Variants in BAZ2B observed in about 807,000 individuals in gnomAD.
The protein encoded by BAZ2B is bromodomain adjacent to zinc finger domain 2B, also known as bromodomain adjacent to zinc finger domain protein 2B.
A neutral mutation model predicts 246.0 loss-of-function variants in BAZ2B; 91 were observed. That is an observed-to-expected ratio of 0.37 (90% CI 0.31 to 0.44). The LOEUF (loss-of-function observed/expected upper bound fraction) is 0.44. Among genes scored for constraint, BAZ2B ranks in the 20% least tolerant of loss-of-function variants. The pLI, the probability that BAZ2B is intolerant of heterozygous loss-of-function variation, is 1.00. For synonymous variants in BAZ2B, 855 were observed against 860.0 expected, an observed-to-expected ratio of 0.99 and a Z score of 0.10; for missense variants, 2,332 against 2,533.7, an observed-to-expected ratio of 0.92 and a Z score of 1.71.
the BAZ2B span, among the ~76,000 whole-genome samples, chr2:159,626,910 T>C: frequency 2.1e-4 from 32 of 152,014 alleles, 1 homozygote; most frequent in African/African-American, 7.2e-4. Flanking sequence ...ACAAAAGAGA[T>C]AGACCACCTG....
intron 27 of BAZ2B, among the ~76,000 whole-genome samples, chr2:159,362,037 A>T (rs909400933): frequency 6.6e-6 from 1 of 152,184 alleles, no homozygotes; most frequent in Non-Finnish European, 1.5e-5. Flanking sequence ...GCAAACCACC[A>T]TGGCAAGTGA....
intron 1 of BAZ2B, among the ~76,000 whole-genome samples, chr2:159,557,657 C>A (rs922052539): frequency 6.6e-6 from 1 of 152,122 alleles, no homozygotes; most frequent in Non-Finnish European, 1.5e-5. Flanking sequence ...CCAGAGGCTG[C>A]TGTTAGCTTT....
chr2:159,671,674 G>A, the BAZ2B span, among the ~76,000 whole-genome samples: 2 of 152,104 alleles, frequency 1.3e-5, no homozygotes, highest in African/African-American at 2.4e-5. Flanking sequence ...CAAACTAGCA[G>A]AAATAGTTTA....
intron 27 of BAZ2B, among the ~76,000 whole-genome samples, chr2:159,372,636 T>C (rs1179713058): frequency 1.3e-5 from 2 of 152,220 alleles, no homozygotes; most frequent in Non-Finnish European, 2.9e-5. Flanking sequence ...GAATGAGGAT[T>C]ATGATGAAGA....
chr2:159,453,523 A>T, intron 4 of BAZ2B, 90 bp downstream of exon 4: 2 of 1,373,860 alleles, frequency 1.5e-6, no homozygotes, highest in Non-Finnish European at 1.9e-6. Context: ...CAGGCATTAG[A>T]CTATTCCTTT....
intron 4 of BAZ2B, among the ~76,000 whole-genome samples, chr2:159,453,135 TAAAG>T (rs2075304773): frequency 6.6e-6 from 1 of 151,736 alleles, no homozygotes; most frequent in Non-Finnish European, 1.5e-5. Flanking sequence ...AACAGAAAAA[TAAAG>T]AAATTTAAGA....
chr2:159,381,388 C>T (rs2061982375), intron 25 of BAZ2B, among the ~76,000 whole-genome samples: 1 of 152,080 alleles, frequency 6.6e-6, no homozygotes, highest in African/African-American at 2.4e-5. Flanking sequence ...TTACTCTGTT[C>T]CTGATTTCCC....
intron 30 of BAZ2B, among the ~76,000 whole-genome samples, chr2:159,347,946 G>T (rs1479892591): frequency 6.6e-6 from 1 of 152,142 alleles, no homozygotes; most frequent in East Asian, 1.9e-4. Flanking sequence ...TTTCTCTCTT[G>T]ATATCTGTGG....
upstream of BAZ2B, among the ~76,000 whole-genome samples, chr2:159,618,785 T>C (rs1261561795): frequency 1.3e-5 from 2 of 152,124 alleles, no homozygotes; most frequent in African/African-American, 2.4e-5. Flanking sequence ...CAAGTTATCT[T>C]GATTTTCATA....
the BAZ2B span, among the ~76,000 whole-genome samples, chr2:159,682,391 C>G: frequency 3.3e-5 from 5 of 151,992 alleles, no homozygotes; most frequent in African/African-American, 1.2e-4. Flanking sequence ...ATTGTCCAGG[C>G]TGGTCTTGAA....
rs142376018 is a variant in BAZ2B at position 159,417,899 on chromosome 2, T to C, written c.2467-5354A>G. Among the ~76,000 whole-genome samples the C allele has an allele frequency of 2.4e-3, 368 of 152,290 alleles. 1 individual carries two copies. The highest frequency in any genetic ancestry group is 8.2e-3 in the African/African-American group (341 of 41,556). ...GTTTAGAGCTTGGGAGAGAAAGTTG[T>C]CTCAACTGTCCATATAAAAATTATG... On this transcript the variant is annotated intron_variant, in intron 13 of 36. Coordinates refer to ENST00000392783, the MANE Select transcript of BAZ2B (RefSeq NM_013450.4).
chr2:159,360,796 A>G (rs369736134), intron 27 of BAZ2B, among the ~76,000 whole-genome samples: 2 of 152,218 alleles, frequency 1.3e-5, no homozygotes, highest in African/African-American at 4.8e-5. Context: ...AAATAATGCC[A>G]CACATCTACA....
Position 159,382,560 on chromosome 2 carries a change from T to C in BAZ2B, c.4004A>G (p.Glu1335Gly). 1 of 1,549,078 alleles carries C rather than the reference T, an allele frequency of 6.5e-7. No homozygotes were observed. Among genetic ancestry groups the C allele is most frequent in the Non-Finnish European group, 8.7e-7 (1 of 1,146,298 alleles). ...KGKKTDICED[E>G]DEGDQAASVE... ...TAAAATCAACCTAAATTTCATTACC[T>C]CATCTTCACAGATATCAGTCTTTTT... The change falls in exon 25 of 37, where the codon GAG becomes GGG. Residue 1335 changes from glutamate (E) to glycine (G), a missense_variant and splice_region_variant. This residue lies in a region of BAZ2B where 676 missense variants were observed against 668.6 expected (regional missense o/e 1.01). Transcript: ENST00000392783.
chr2:159,471,063 T>A (rs1291071527), intron 3 of BAZ2B, among the ~76,000 whole-genome samples: 1 of 151,850 alleles, frequency 6.6e-6, no homozygotes, highest in Non-Finnish European at 1.5e-5. Flanking sequence ...TAAAAAAATT[T>A]AGAGAAAAAC....
At chr2:159,529,498 A>C (rs2085135726) in intron 2 of BAZ2B, among the ~76,000 whole-genome samples, 1 of 152,156 alleles carries the variant, frequency 6.6e-6, no homozygotes, top group South Asian at 2.1e-4. Context: ...GTTCTCACCC[A>C]GGTATCTACA....
the BAZ2B span, among the ~76,000 whole-genome samples, chr2:159,684,756 A>G: frequency 6.6e-6 from 1 of 152,262 alleles, no homozygotes; most frequent in South Asian, 2.1e-4. Context: ...TTATTTGCAC[A>G]CATTCCTTAT....
At position 159,348,796 on chromosome 2, in the gene BAZ2B, C is replaced by T. The variant is rs2058249135; in HGVS notation, c.5175G>A (p.Glu1725=). ...GCACTTTGAGCAAAGCTTTTAGGTC[C>T]TCTGGGTCAATAATTCTCCACCAAC... ...QFGWWRIIDP[E]DLKALLKVLH... The change falls in exon 30 of 37, where the codon GAG becomes GAA. Residue 1725 remains glutamate (E), a synonymous_variant. Coordinates refer to ENST00000392783, the MANE Select transcript of BAZ2B (RefSeq NM_013450.4). 3 of 1,609,436 alleles carry T rather than the reference C, an allele frequency of 1.9e-6. No homozygotes were observed. Among genetic ancestry groups the T allele is most frequent in the South Asian group, 1.1e-5 (1 of 89,562 alleles).
Position 159,428,361 on chromosome 2 carries a change from A to G in BAZ2B, c.2314T>C (p.Tyr772His), listed in dbSNP as rs1463403484. 6.2e-7 allele frequency: 1 copy of G among 1,613,360 alleles called. No homozygotes were observed. Among genetic ancestry groups the G allele is most frequent in the Admixed American group, 1.7e-5 (1 of 59,988 alleles). The change falls in exon 12 of 37, where the codon TAT (tyrosine) becomes CAT (histidine). Residue 772 changes from tyrosine (Y) to histidine (H), a missense_variant. Transcript: ENST00000392783. ...FGGRLQGEVA[Y>H]YAPCGKKLRQ... ...AGTTTCTTTCCACATGGAGCATAAT[A>G]TGCTACTTCTCCTTGAAGGCGCCCT...
intron 1 of BAZ2B, among the ~76,000 whole-genome samples, chr2:159,574,066 T>C (rs1378301887): frequency 6.6e-6 from 1 of 151,652 alleles, no homozygotes; most frequent in Non-Finnish European, 1.5e-5. Context: ...GCCACTGCAC[T>C]CTACCCAGGA....
Sources: allele counts gnomAD v4.1 joint callset (sites outside exome capture counted in the v4.1 genomes callset), GRCh38; gene constraint gnomAD v4.1.1; regional missense constraint gnomAD v4.1.1; transcripts MANE v1.5; gene names NCBI Gene and HGNC (gene_info 2026-07-23, HGNC 2026-07-21).